SEL1L3: variants seen among roughly 807,000 people sequenced by gnomAD.
The protein encoded by SEL1L3 is protein sel-1 homolog 3.
In SEL1L3, 76 loss-of-function variants were observed where a neutral mutation model predicts 142.8. The ratio of observed to expected loss-of-function variants is 0.53; its 90% confidence interval spans 0.44 to 0.64. The LOEUF (loss-of-function observed/expected upper bound fraction) is 0.64, where lower values mean the gene tolerates loss of function less well. Ranked by LOEUF, SEL1L3 falls within the 30% of genes least tolerant of loss-of-function variation. The pLI is 0.00. For missense variants in SEL1L3, 1,262 were observed against 1,381.7 expected (o/e 0.91, Z 1.37); for synonymous variants, 504 against 519.6 (o/e 0.97, Z 0.41).
chr4:25,811,264 G>T (rs1713999621), intron 9 of SEL1L3, among the ~76,000 whole-genome samples: 1 of 152,176 alleles, frequency 6.6e-6, no homozygotes, highest in Admixed American at 6.5e-5. Flanking sequence ...TTTTGTAAAT[G>T]AGTGTGCACA....
At chr4:25,765,533 T>C (rs1347617217) in intron 19 of SEL1L3, 98 bp from the exon 20 acceptor site, 4 of 750,488 alleles carry the variant, frequency 5.3e-6, no homozygotes, top group African/African-American at 3.5e-5. Flanking sequence ...GTTTTTCCTA[T>C]TAGTATCTGA....
chr4:25,739,015 C>A, the SEL1L3 span, among the ~76,000 whole-genome samples: 3 of 151,774 alleles, frequency 2.0e-5, no homozygotes, highest in South Asian at 4.2e-4. Flanking sequence ...ACCAGCATGA[C>A]CAACATGGAG....
At chr4:25,780,411 A>G (rs906594735) in intron 15 of SEL1L3, among the ~76,000 whole-genome samples, 7 of 152,102 alleles carry the variant, frequency 4.6e-5, no homozygotes, top group African/African-American at 1.2e-4. Flanking sequence ...CATTTCATTC[A>G]GAGCAGAAAC....
At chr4:25,724,862 C>T in the SEL1L3 span, among the ~76,000 whole-genome samples, 3 of 151,872 alleles carry the variant, frequency 2.0e-5, no homozygotes, top group African/African-American at 7.3e-5. Context: ...TTGCAGCCCT[C>T]AGGGCTGGTG....
upstream of SEL1L3, chr4:25,863,540 C>G (rs758092578): frequency 2.8e-5 from 20 of 702,534 alleles, no homozygotes; most frequent in African/African-American, 1.7e-5. Context: ...CGAGTGTGCC[C>G]CCTGGAGTTG....
intron 20 of SEL1L3, among the ~76,000 whole-genome samples, chr4:25,762,681 A>G (rs1000736208): frequency 4.5e-4 from 69 of 152,146 alleles, no homozygotes; most frequent in African/African-American, 1.6e-3. Flanking sequence ...GATAAGACAG[A>G]TTTTAAAAGT....
At position 25,827,059 on chromosome 4, in the gene SEL1L3, T is replaced by C. The variant is rs143674233; in HGVS notation, c.1157+3039A>G. ...CAAATCAGTCTTGATCCCTTGATCC[T>C]TCTATGTTTACACTGATTATGTCTT... On this transcript the variant is annotated intron_variant, in intron 6 of 23. Transcript: ENST00000399878. 2.7e-3 allele frequency among the ~76,000 whole-genome samples: 406 copies of C among 152,364 alleles called. 2 individuals are homozygous for C. The highest frequency in any genetic ancestry group is 9.2e-3 in the African/African-American group (382 of 41,586).
At chr4:25,718,646 A>C in the SEL1L3 span, 7 of 152,186 alleles carry the variant, frequency 4.6e-5, no homozygotes, top group Non-Finnish European at 8.8e-5. Context: ...TCATAGGGAC[A>C]AGATGAGGAA....
Position 25,788,344 on chromosome 4 carries a change from C to T in SEL1L3, c.2097G>A (p.Leu699=). The T allele has an allele frequency of 6.2e-7, 1 of 1,613,968 alleles. No individual in the cohort carries two copies. The highest frequency in any genetic ancestry group is 8.5e-7 in the Non-Finnish European group (1 of 1,179,878). The change falls in exon 13 of 24, where the codon CTG becomes CTA. Residue 699 remains leucine, a synonymous_variant. Transcript: ENST00000399878. This position sits in a 1 kb window ranked among gnomAD's most constrained non-coding sequence, Gnocchi z 5.3. Reference sequence around the variant, plus strand: ...TGGCCACACCTTGCTGCCCCCAGAACAGCATCTGGGCCAATCGTTGCTTAA... The same window carrying T: ...TGGCCACACCTTGCTGCCCCCAGAATAGCATCTGGGCCAATCGTTGCTTAA... The part of the protein sequence containing the change: ...AAAQQRLAQM[L]FWGQQGVAKN...
chr4:25,779,039 G>C (rs1392136683), intron 16 of SEL1L3, 37 bp downstream of exon 16: 5 of 1,607,456 alleles, frequency 3.1e-6, no homozygotes, highest in East Asian at 4.5e-5. Flanking sequence ...ATAGGATATG[G>C]CTTTCCCTTC....
chr4:25,808,216 T>C (rs1479183737), intron 9 of SEL1L3, among the ~76,000 whole-genome samples: 1 of 152,224 alleles, frequency 6.6e-6, no homozygotes, highest in Non-Finnish European at 1.5e-5. Flanking sequence ...TGGAGATTAA[T>C]GGTTTAATGA....
chr4:25,774,447 C>A (rs1719461181), intron 17 of SEL1L3, among the ~76,000 whole-genome samples: 1 of 152,180 alleles, frequency 6.6e-6, no homozygotes. Flanking sequence ...AACCAACCAC[C>A]CAAACAGAAA....
chr4:25,750,294 A>G (rs1313332378), intron 23 of SEL1L3, among the ~76,000 whole-genome samples: 1 of 152,002 alleles, frequency 6.6e-6, no homozygotes, highest in African/African-American at 2.4e-5. Flanking sequence ...GCTGCTTTTC[A>G]GCTACCGGCT....
chr4:25,753,470 C>T (rs993432303), intron 23 of SEL1L3, among the ~76,000 whole-genome samples: 1 of 152,232 alleles, frequency 6.6e-6, no homozygotes, highest in Non-Finnish European at 1.5e-5. Flanking sequence ...TTTCACAACG[C>T]CATGGCTGCT....
intron 2 of SEL1L3, among the ~76,000 whole-genome samples, chr4:25,846,206 G>A (rs1328289068): frequency 1.3e-5 from 2 of 152,172 alleles, no homozygotes; most frequent in Admixed American, 6.5e-5. Context: ...TCAGAGTGCC[G>A]CCTCTCAGCA....
chr4:25,717,847 A>T, the SEL1L3 span, among the ~76,000 whole-genome samples: 1 of 152,322 alleles, frequency 6.6e-6, no homozygotes, highest in Non-Finnish European at 1.5e-5. Context: ...TAGCTAGAAG[A>T]TTAACTAAGA....
intron 9 of SEL1L3, among the ~76,000 whole-genome samples, chr4:25,816,408 C>T (rs1380081722): frequency 1.3e-5 from 2 of 152,108 alleles, no homozygotes; most frequent in Non-Finnish European, 2.9e-5. Context: ...ACTCATTACA[C>T]AACATGACGC....
chr4:25,806,294 C>T (rs559771251), intron 9 of SEL1L3, among the ~76,000 whole-genome samples: 220 of 151,836 alleles, frequency 1.4e-3, no homozygotes, highest in African/African-American at 5.1e-3. Flanking sequence ...GCCTAGGCCT[C>T]CCAAAGTGCT....
chr4:25,846,008 G>T (rs542487008), intron 2 of SEL1L3, among the ~76,000 whole-genome samples: 1 of 152,276 alleles, frequency 6.6e-6, no homozygotes, highest in East Asian at 1.9e-4. Context: ...GTAGATGAAG[G>T]ACTGGGCCTA....
Sources: gnomAD v4.1 joint callset for allele counts (sites outside exome capture counted in the v4.1 genomes callset) on GRCh38, gnomAD v4.1.1 for gene constraint, Gnocchi (gnomAD v3.1) non-coding constraint, MANE v1.5 for transcripts, NCBI Gene and HGNC (gene_info 2026-07-23, HGNC 2026-07-21) for gene names.